THSD7A: variants seen among roughly 807,000 people sequenced by gnomAD.
THSD7A encodes the protein thrombospondin type-1 domain-containing protein 7A.
A neutral mutation model predicts 231.3 loss-of-function variants in THSD7A; 96 were observed. The observed-to-expected ratio is 0.41, with a 90% CI of 0.35 to 0.49. The LOEUF is 0.49. THSD7A is among the 20% of genes least tolerant of loss of function. The pLI, the probability that THSD7A is intolerant of heterozygous loss-of-function variation, is 0.05. For missense variants in THSD7A, 2,290 were observed against 2,070.2 expected (o/e 1.11, Z -2.06); for synonymous variants, 940 against 743.3 (o/e 1.26, Z -4.30).
chr7:11,407,519 G>A (rs1313745668), intron 19 of THSD7A, 96 bp from the exon 20 acceptor site: 3 of 846,632 alleles, frequency 3.5e-6, no homozygotes, highest in Non-Finnish European at 3.8e-6. Flanking sequence ...GGGAGAAAAA[G>A]CAAGCCACAT....
chr7:11,785,946 A>G (rs868306382), intron 1 of THSD7A, among the ~76,000 whole-genome samples: 3 of 152,216 alleles, frequency 2.0e-5, no homozygotes, highest in Middle Eastern at 3.4e-3. Context: ...TGCTCCCCCT[A>G]TAGATCTCAT....
At chr7:11,386,372 G>T (rs910265651) in intron 23 of THSD7A, among the ~76,000 whole-genome samples, 1 of 152,108 alleles carries the variant, frequency 6.6e-6, no homozygotes, top group Non-Finnish European at 1.5e-5. Flanking sequence ...ATCCTCTCTA[G>T]CATCCATTGT....
intron 13 of THSD7A, among the ~76,000 whole-genome samples, chr7:11,441,213 T>C (rs1784793632): frequency 6.6e-6 from 1 of 152,040 alleles, no homozygotes; most frequent in Non-Finnish European, 1.5e-5. Context: ...TATTCTTGAA[T>C]GGGAGATAAA....
intron 16 of THSD7A, among the ~76,000 whole-genome samples, chr7:11,421,032 G>A (rs2115406493): frequency 6.6e-6 from 1 of 152,310 alleles, no homozygotes; most frequent in Admixed American, 6.5e-5. Flanking sequence ...CACAGGCAGA[G>A]GGGACTTGCC....
chr7:11,570,956 GT>G (rs1361860916), intron 4 of THSD7A, among the ~76,000 whole-genome samples: 1 of 152,156 alleles, frequency 6.6e-6, no homozygotes, highest in Non-Finnish European at 1.5e-5. Context: ...TTATTTTGGG[GT>G]TATTTCTGTC....
intron 1 of THSD7A, among the ~76,000 whole-genome samples, chr7:11,829,208 T>C (rs943153123): frequency 6.6e-6 from 1 of 152,108 alleles, no homozygotes; most frequent in African/African-American, 2.4e-5. Context: ...TTTTCCACTG[T>C]GCATGTAGGT....
At chr7:11,554,405 G>A (rs920957117) in intron 4 of THSD7A, among the ~76,000 whole-genome samples, 1 of 152,020 alleles carries the variant, frequency 6.6e-6, no homozygotes, top group Non-Finnish European at 1.5e-5. Context: ...TAGGGAACAA[G>A]CATTCAGTCT....
At chr7:11,698,849 G>A (rs1433890657) in intron 1 of THSD7A, among the ~76,000 whole-genome samples, 7 of 151,384 alleles carry the variant, frequency 4.6e-5, no homozygotes, top group African/African-American at 1.5e-4. Flanking sequence ...AAATAGTTAC[G>A]TAGAAGTGGA....
chr7:11,524,962 G>GC (rs1788412758), intron 6 of THSD7A, among the ~76,000 whole-genome samples: 1 of 152,202 alleles, frequency 6.6e-6, no homozygotes, highest in African/African-American at 2.4e-5. Context: ...AACCTGCCTT[G>GC]CCTTTCTTAA....
At position 11,769,153 on chromosome 7, in the gene THSD7A, A is replaced by ATTTTTTTTTTTTTTTTTT. The variant is rs1227041855; in HGVS notation, c.190+62603_190+62604insAAAAAAAAAAAAAAAAAA. On this transcript the variant is annotated intron_variant, in intron 1 of 27. Coordinates refer to ENST00000423059, the MANE Select transcript of THSD7A (RefSeq NM_015204.3). ...TATATATATATATATATATATATAT[A>ATTTTTTTTTTTTTTTTTT]TTTTTTTTTTTTTTTGGTATTTTTG... 1.3e-3 allele frequency among the ~76,000 whole-genome samples: 35 copies of ATTTTTTTTTTTTTTTTTT among 27,632 alleles called. 2 individuals are homozygous for ATTTTTTTTTTTTTTTTTT. Among genetic ancestry groups the ATTTTTTTTTTTTTTTTTT allele is most frequent in the Non-Finnish European group, 1.9e-3 (27 of 14,374 alleles). 18.1% of individuals were successfully genotyped at this position (27,632 alleles called of 152,430 possible).
chr7:11,528,312 C>T (rs200660823), intron 6 of THSD7A, among the ~76,000 whole-genome samples: 1 of 152,176 alleles, frequency 6.6e-6, no homozygotes, highest in African/African-American at 2.4e-5. Context: ...GCTCCAATGT[C>T]TCTTTTAATT....
At chr7:11,496,485 C>T (rs1239737400) in intron 6 of THSD7A, among the ~76,000 whole-genome samples, 1 of 152,112 alleles carries the variant, frequency 6.6e-6, no homozygotes, top group Non-Finnish European at 1.5e-5. Context: ...GTTGGAGATT[C>T]AGTGACCATA....
At chr7:11,563,933 T>C (rs547882944) in intron 4 of THSD7A, among the ~76,000 whole-genome samples, 103 of 152,246 alleles carry the variant, frequency 6.8e-4, no homozygotes, top group Middle Eastern at 3.4e-3. Context: ...CAAATCATAT[T>C]TTTAAAAAGT....
chr7:11,799,950 C>G (rs535138147), intron 1 of THSD7A, among the ~76,000 whole-genome samples: 1 of 152,164 alleles, frequency 6.6e-6, no homozygotes, highest in East Asian at 1.9e-4. Flanking sequence ...GCTACTGTAG[C>G]GCACACATTT....
At chr7:11,626,607 G>A (rs1221167824) in intron 2 of THSD7A, among the ~76,000 whole-genome samples, 1 of 152,010 alleles carries the variant, frequency 6.6e-6, no homozygotes, top group Non-Finnish European at 1.5e-5. Flanking sequence ...CCCTTAATTT[G>A]CCATCACTGA....
chr7:11,381,091 G>A (rs554814056), intron 24 of THSD7A, among the ~76,000 whole-genome samples: 1 of 152,090 alleles, frequency 6.6e-6, no homozygotes, highest in Non-Finnish European at 1.5e-5. Flanking sequence ...AAAAAGAATG[G>A]AGACATTCGT....
At chr7:11,497,168 A>C (rs945086037) in intron 6 of THSD7A, among the ~76,000 whole-genome samples, 27 of 152,258 alleles carry the variant, frequency 1.8e-4, no homozygotes, top group Admixed American at 5.2e-4. Context: ...AAGGGGGAAG[A>C]CCTTATAAAA....
chr7:11,778,231 C>G lies in THSD7A; in HGVS notation c.190+53526G>C, dbSNP rs1233545616. ...ATGAACAGATTTGGGGTGTCAGGTTCTATGTTGGGCTTTGGAAGACATATT... is the reference window on the plus strand; with the variant it reads ...ATGAACAGATTTGGGGTGTCAGGTTGTATGTTGGGCTTTGGAAGACATATT... On this transcript the variant is annotated intron_variant, in intron 1 of 27. Transcript: ENST00000423059. 2.7e-5 allele frequency among the ~76,000 whole-genome samples: 4 copies of G among 148,726 alleles called. No individual in the cohort carries two copies. In the East Asian group the frequency reaches 6.1e-4, roughly 23 times the overall value.
rs567285614 is a variant in THSD7A at position 11,831,542 on chromosome 7, T to C, written c.190+215A>G. ...CATTACAGAGCTGCGAGAGAAATATTCCAGCTACTCACTGTTGCCTCTTAG... is the reference window on the plus strand; with the variant it reads ...CATTACAGAGCTGCGAGAGAAATATCCCAGCTACTCACTGTTGCCTCTTAG... On this transcript the variant is annotated intron_variant, in intron 1 of 27. Coordinates refer to ENST00000423059, the MANE Select transcript of THSD7A (RefSeq NM_015204.3). This position sits in a 1 kb window ranked among gnomAD's most constrained non-coding sequence, Gnocchi z 5.0. 3.2e-4 allele frequency among the ~76,000 whole-genome samples: 48 copies of C among 152,302 alleles called. No individual in the cohort carries two copies. The highest frequency in any genetic ancestry group is 4.0e-4 in the Non-Finnish European group (27 of 68,016).
Sources: gnomAD v4.1 joint callset for allele counts (sites outside exome capture counted in the v4.1 genomes callset) on GRCh38, gnomAD v4.1.1 for gene constraint, Gnocchi (gnomAD v3.1) non-coding constraint, MANE v1.5 for transcripts, NCBI Gene and HGNC (gene_info 2026-07-23, HGNC 2026-07-21) for gene names.